The following SFMBT2 variants were observed in gnomAD, a reference collection of about 807,000 sequenced individuals.
SFMBT2 encodes the protein scm-like with four MBT domains protein 2.
SFMBT2 carries 38 observed loss-of-function variants against 110.1 expected under a neutral mutation model. The ratio of observed to expected loss-of-function variants is 0.35; its 90% CI spans 0.27 to 0.45. The LOEUF (loss-of-function observed/expected upper bound fraction) is 0.45. SFMBT2 is among the 20% of genes least tolerant of loss of function. SFMBT2 has a pLI of 1.00. For missense variants in SFMBT2, 1,011 were observed against 1,094.9 expected, an observed-to-expected ratio of 0.92 and a Z score of 1.08; for synonymous variants, 425 against 425.4, an observed-to-expected ratio of 1.00 and a Z score of 0.01.
intron 4 of SFMBT2, among the ~76,000 whole-genome samples, chr10:7,358,496 A>AGAACACCTGCATGGCCCTG (rs953849362): frequency 6.7e-6 from 1 of 149,980 alleles, no homozygotes. Context: ...GCATGGCCCT[A>AGAACACCTGCATGGCCCTG]GAACACCTGC....
chr10:7,170,307 A>C lies in SFMBT2; in HGVS notation c.2544+621T>G, dbSNP rs534303708. On this transcript the variant is annotated intron_variant, in intron 20 of 20. Coordinates refer to ENST00000397167, the MANE Select transcript of SFMBT2 (RefSeq NM_001387889.1). The surrounding 1 kb of genome is among the most constrained non-coding windows in gnomAD (Gnocchi z 4.6). ...AAAGGCACTGACAGGAGGCTCAACC[A>C]AAACCAGTTCTCTCCAGACAAAGGC... Among the ~76,000 whole-genome samples, 1 of 152,230 alleles carries C rather than the reference A, an allele frequency of 6.6e-6. No homozygotes were observed. Among genetic ancestry groups the C allele is most frequent in the South Asian group, 2.1e-4 (1 of 4,836 alleles).
chr10:7,172,304 C>G lies in SFMBT2; in HGVS notation c.2152-146G>C, dbSNP rs754849772. 6.9e-7 allele frequency: 1 copy of G among 1,453,882 alleles called. No individual in the cohort carries two copies. Among genetic ancestry groups the G allele is most frequent in the East Asian group, 2.5e-5 (1 of 40,554 alleles). The allele number at this position is 1,453,882 out of a possible 1,614,324, so 90.1% of individuals were successfully genotyped here. On this transcript the variant is annotated intron_variant, in intron 18 of 20. Coordinates refer to ENST00000397167, the MANE Select transcript of SFMBT2 (RefSeq NM_001387889.1). This position sits in a 1 kb window ranked among gnomAD's most constrained non-coding sequence, Gnocchi z 4.6. The stretch of plus-strand genomic sequence containing the variant: ...GGTCCCACCCGTGGGCCCTACGAGG[C>G]CCTTCCCAGCCAAAGCAGCTGGACA...
At chr10:7,276,609 A>G (rs1246088503) in intron 7 of SFMBT2, among the ~76,000 whole-genome samples, 12 of 152,216 alleles carry the variant, frequency 7.9e-5, no homozygotes, top group Non-Finnish European at 1.8e-4. Context: ...GCTCACTGTA[A>G]CTTCTGCCTC....
At chr10:7,238,598 C>T (rs1349742230) in intron 9 of SFMBT2, among the ~76,000 whole-genome samples, 1 of 152,142 alleles carries the variant, frequency 6.6e-6, no homozygotes, top group East Asian at 1.9e-4. Flanking sequence ...TTAAAATACA[C>T]CTTTACTTCC....
At chr10:7,406,879 T>C (rs1366656087) in intron 1 of SFMBT2, among the ~76,000 whole-genome samples, 2 of 151,904 alleles carry the variant, frequency 1.3e-5, no homozygotes, top group Non-Finnish European at 2.9e-5. Flanking sequence ...CACTCTCTAT[T>C]CCAGGATGGG....
In SFMBT2 at chr10:7,179,920, C is replaced by T. The variant is rs533580476; in HGVS notation, c.1809-3755G>A. Among the ~76,000 whole-genome samples the T allele has an allele frequency of 7.9e-5, 12 of 152,304 alleles. No individual in the cohort carries two copies. In the South Asian group the frequency reaches 2.3e-3, roughly 29 times the overall value. On this transcript the variant is annotated intron_variant, in intron 16 of 20. Transcript: ENST00000397167. Reference sequence around the variant, plus strand: ...AAGTTATAGCATCATTTAAAAACAGCGGGCTCCTTTTCTCTTCCCTGCCCT... The same window carrying T: ...AAGTTATAGCATCATTTAAAAACAGTGGGCTCCTTTTCTCTTCCCTGCCCT...
Position 7,176,235 on chromosome 10 carries a change from C to T in SFMBT2, c.1809-70G>A, listed in dbSNP as rs548968578. ...TGATTCAGGCCTATTCTGTACCACA[C>T]ATTCCGAAGGCAGCAACTTCATTTT... is the stretch of plus-strand genomic sequence containing the variant. On this transcript the variant is annotated intron_variant, in intron 16 of 20. Coordinates refer to ENST00000397167, the MANE Select transcript of SFMBT2 (RefSeq NM_001387889.1). 225 of 1,473,160 alleles carry T rather than the reference C, an allele frequency of 1.5e-4. No homozygotes were observed. In the Admixed American group the frequency reaches 3.0e-3, roughly 20 times the overall value. 91.3% of individuals were successfully genotyped at this position (1,473,160 alleles called of 1,614,324 possible). A position where few individuals can be genotyped will look rare whatever the true frequency, so the allele number is the denominator to read the frequency against.
intron 10 of SFMBT2, among the ~76,000 whole-genome samples, chr10:7,224,364 A>C (rs1239544457): frequency 3.3e-5 from 5 of 152,116 alleles, no homozygotes; most frequent in African/African-American, 1.2e-4. Flanking sequence ...GACAGAATTT[A>C]CACATGGAAT....
At chr10:7,269,461 T>C (rs1364020296) in intron 7 of SFMBT2, among the ~76,000 whole-genome samples, 2 of 152,072 alleles carry the variant, frequency 1.3e-5, no homozygotes, top group African/African-American at 2.4e-5. Flanking sequence ...ATCTAAAGTG[T>C]AAAAATAATA....
At chr10:7,250,989 C>A (rs779618520) in intron 7 of SFMBT2, among the ~76,000 whole-genome samples, 4 of 152,130 alleles carry the variant, frequency 2.6e-5, no homozygotes, top group Non-Finnish European at 5.9e-5. Flanking sequence ...GACTTGCTAG[C>A]ATCCGAATTC....
intron 4 of SFMBT2, among the ~76,000 whole-genome samples, chr10:7,347,209 G>A (rs571437042): frequency 6.4e-4 from 97 of 152,284 alleles, no homozygotes; most frequent in African/African-American, 2.2e-3. Context: ...GGAATCCCAG[G>A]AGACCGAGTT....
chr10:7,325,036 C>A (rs12260360), intron 4 of SFMBT2, among the ~76,000 whole-genome samples: 1 of 144,018 alleles, frequency 6.9e-6, no homozygotes, highest in Non-Finnish European at 1.5e-5. Context: ...GGCACGATCT[C>A]GGCTCACTAC....
rs77356882 is a variant in SFMBT2, at chr10:7,297,796, G to A, written c.437-11842C>T. 1.4e-4 allele frequency among the ~76,000 whole-genome samples: 22 copies of A among 152,250 alleles called. No individual in the cohort carries two copies. In the East Asian group the frequency reaches 3.3e-3, roughly 23 times the overall value. On this transcript the variant is annotated intron_variant, in intron 4 of 20. Transcript: ENST00000397167. ...AATTCGCTATAAATTTTCACTTCAC[G>A]ACGACACACACATTCAGCACACGCA...
chr10:7,376,854 CAA>C (rs112996489), intron 2 of SFMBT2, among the ~76,000 whole-genome samples: 1 of 123,608 alleles, frequency 8.1e-6, no homozygotes, highest in Admixed American at 8.5e-5. Flanking sequence ...TGGACAGTGG[CAA>C]AAAAAAAAAA....
At position 7,239,459 on chromosome 10, in the gene SFMBT2, T is replaced by A. The variant is rs188120711; in HGVS notation, c.1120+4099A>T. 1.8e-3 allele frequency among the ~76,000 whole-genome samples: 276 copies of A among 152,326 alleles called. 1 individual carries two copies. The highest frequency in any genetic ancestry group is 0.014 in the Middle Eastern group (4 of 294). On this transcript the variant is annotated intron_variant, in intron 9 of 20. Coordinates refer to ENST00000397167, the MANE Select transcript of SFMBT2 (RefSeq NM_001387889.1). The stretch of plus-strand genomic sequence containing the variant: ...ATCTCTACAATATGACTCTTAATCC[T>A]GGTGTTGAGATGCAAGATGTGAAAC...
intron 20 of SFMBT2, among the ~76,000 whole-genome samples, chr10:7,169,136 T>A (rs556226810): frequency 2.0e-4 from 30 of 152,236 alleles, no homozygotes; most frequent in African/African-American, 7.0e-4. Flanking sequence ...CTAATTTTTT[T>A]TTTTTCTTCA....
At chr10:7,381,983 G>T in intron 1 of SFMBT2, 34 bp from the exon 2 acceptor site, 2 of 1,301,852 alleles carry the variant, frequency 1.5e-6, no homozygotes, top group Non-Finnish European at 2.1e-6. Flanking sequence ...AATCAGAGCA[G>T]TTTAATCATA....
At chr10:7,359,621 C>T (rs974535553) in intron 4 of SFMBT2, among the ~76,000 whole-genome samples, 2 of 152,130 alleles carry the variant, frequency 1.3e-5, no homozygotes, top group East Asian at 1.9e-4. Flanking sequence ...TTTCATGTAG[C>T]GCAGAAAAAC....
chr10:7,353,587 C>A (rs1482856718), intron 4 of SFMBT2, among the ~76,000 whole-genome samples: 2 of 151,992 alleles, frequency 1.3e-5, no homozygotes, highest in East Asian at 1.9e-4. Flanking sequence ...TGTTCATATA[C>A]CCCCCATACA....
Sources: allele counts gnomAD v4.1 joint callset (sites outside exome capture counted in the v4.1 genomes callset), GRCh38; gene constraint gnomAD v4.1.1; non-coding constraint Gnocchi (gnomAD v3.1); transcripts MANE v1.5; gene names NCBI Gene and HGNC (gene_info 2026-07-23, HGNC 2026-07-21).